The following ZFHX3 variants were observed in gnomAD, a reference collection of about 807,000 sequenced individuals.
ZFHX3 encodes the protein zinc finger homeobox 3, also known as zinc finger homeobox protein 3.
A neutral mutation model predicts 279.1 loss-of-function variants in ZFHX3; 42 were observed. That is an observed-to-expected ratio of 0.15 (90% CI 0.12 to 0.19). The LOEUF is 0.19. Ranked by LOEUF, ZFHX3 falls within the 10% of genes least tolerant of loss-of-function variation. ZFHX3 has a pLI of 1.00. For missense variants in ZFHX3, 4,981 were observed against 4,754.0 expected, an observed-to-expected ratio of 1.05 and a Z score of -1.40; for synonymous variants, 2,293 against 1,957.8, an observed-to-expected ratio of 1.17 and a Z score of -4.52.
chr16:72,948,491 G>A (rs1051718385), intron 3 of ZFHX3, among the ~76,000 whole-genome samples: 4 of 152,148 alleles, frequency 2.6e-5, no homozygotes, highest in Non-Finnish European at 4.4e-5. Flanking sequence ...GACTCTCTGG[G>A]TGTGATCCGT....
chr16:73,555,179 G>A (rs1172563621), intron 2 of ZFHX3, among the ~76,000 whole-genome samples: 1 of 151,914 alleles, frequency 6.6e-6, no homozygotes, highest in African/African-American at 2.4e-5. Context: ...TTTTGAGGAG[G>A]AGTCTCGCTC....
chr16:73,175,965 A>C (rs1289774816), intron 5 of ZFHX3, among the ~76,000 whole-genome samples: 1 of 152,192 alleles, frequency 6.6e-6, no homozygotes, highest in Non-Finnish European at 1.5e-5. Flanking sequence ...TGAATGCATA[A>C]ATGAATGAAT....
chr16:73,174,182 T>G (rs969753065), intron 5 of ZFHX3, among the ~76,000 whole-genome samples: 2 of 152,030 alleles, frequency 1.3e-5, no homozygotes, highest in African/African-American at 4.8e-5. Context: ...ATGGAGACCT[T>G]CCTGGTCACA....
chr16:73,006,404 C>T (rs1354248478), intron 1 of ZFHX3, among the ~76,000 whole-genome samples: 1 of 152,032 alleles, frequency 6.6e-6, no homozygotes, highest in Non-Finnish European at 1.5e-5. Flanking sequence ...AGGAGGATAA[C>T]TTGAGGCCAG....
At chr16:73,587,813 T>C (rs1034519857) in intron 2 of ZFHX3, among the ~76,000 whole-genome samples, 5 of 152,214 alleles carry the variant, frequency 3.3e-5, no homozygotes, top group Admixed American at 2.0e-4. Context: ...TCAATGCTAA[T>C]TGCATACATT....
intron 1 of ZFHX3, among the ~76,000 whole-genome samples, chr16:73,777,155 A>G (rs1351800807): frequency 6.6e-6 from 1 of 152,138 alleles, no homozygotes; most frequent in Non-Finnish European, 1.5e-5. Context: ...TCATATGTGC[A>G]GGGCAAGGAT....
intron 5 of ZFHX3, among the ~76,000 whole-genome samples, chr16:72,819,640 T>C (rs557505278): frequency 6.6e-6 from 1 of 152,264 alleles, no homozygotes; most frequent in African/African-American, 2.4e-5. Flanking sequence ...TAACTAGAAA[T>C]AAATGAGAGG....
At chr16:73,541,889 C>G (rs970135448) in intron 2 of ZFHX3, among the ~76,000 whole-genome samples, 2 of 148,244 alleles carry the variant, frequency 1.3e-5, no homozygotes, top group African/African-American at 2.5e-5. Context: ...GCAACCTCTG[C>G]CTCCTGGGTT....
At chr16:73,480,971 A>G (rs1043058547) in intron 2 of ZFHX3, among the ~76,000 whole-genome samples, 3 of 152,312 alleles carry the variant, frequency 2.0e-5, no homozygotes, top group East Asian at 1.9e-4. Context: ...CTGCAAAGAC[A>G]CGTCAAGGAC....
At chr16:73,415,887 A>C (rs538939517) in intron 3 of ZFHX3, among the ~76,000 whole-genome samples, 19 of 152,270 alleles carry the variant, frequency 1.2e-4, no homozygotes, top group African/African-American at 3.9e-4. Context: ...TGGGAGGCCA[A>C]GGTTGGTGGA....
At chr16:73,105,042 CA>C (rs1966278048) in intron 7 of ZFHX3, among the ~76,000 whole-genome samples, 1 of 152,096 alleles carries the variant, frequency 6.6e-6, no homozygotes, top group Non-Finnish European at 1.5e-5. Flanking sequence ...CTGCAGCCAT[CA>C]CTCACTGTGC....
chr16:73,806,472 C>T (rs998293031), intron 1 of ZFHX3, among the ~76,000 whole-genome samples: 7 of 152,112 alleles, frequency 4.6e-5, no homozygotes, highest in African/African-American at 7.2e-5. Context: ...ACAGTGTTGG[C>T]CTTTGGGGCA....
At chr16:73,088,273 A>G (rs745801421) in intron 8 of ZFHX3, among the ~76,000 whole-genome samples, 1 of 151,742 alleles carries the variant, frequency 6.6e-6, no homozygotes, top group Admixed American at 6.6e-5. Context: ...AGCCCTCTGC[A>G]CGGCTGGGAT....
At chr16:73,138,476 C>A (rs1350486050) in intron 6 of ZFHX3, among the ~76,000 whole-genome samples, 4 of 152,058 alleles carry the variant, frequency 2.6e-5, no homozygotes, top group Admixed American at 2.0e-4. Flanking sequence ...AAGACCAGGG[C>A]AAGAAGAGTA....
In ZFHX3 at chr16:73,047,993, C is replaced by G. The variant is rs1252692904; in HGVS notation, c.-291G>C. On this transcript the variant is annotated 5_prime_UTR_variant, in exon 1 of 10. Transcript: ENST00000268489. ...GTGGCGGCAGGGCTGGCGGTCGGCC[C>G]GTCCCCGGAGGGAGGTCCCCGGGAC... The G allele has an allele frequency of 2.6e-5, 4 of 151,844 alleles. No individual in the cohort carries two copies. Among genetic ancestry groups the G allele is most frequent in the East Asian group, 1.9e-4 (1 of 5,160 alleles). 9.4% of individuals were successfully genotyped at this position (151,844 alleles called of 1,614,324 possible).
intron 1 of ZFHX3, among the ~76,000 whole-genome samples, chr16:73,002,641 A>G (rs1347986585): frequency 2.0e-5 from 3 of 152,174 alleles, no homozygotes; most frequent in Non-Finnish European, 4.4e-5. Flanking sequence ...CACTATTTTT[A>G]CAAACACATA....
At chr16:73,812,059 T>C (rs966527647) in intron 1 of ZFHX3, among the ~76,000 whole-genome samples, 4 of 152,222 alleles carry the variant, frequency 2.6e-5, no homozygotes, top group Admixed American at 6.5e-5. Flanking sequence ...TAATGAATAG[T>C]AGGGTCTAGA....
intron 1 of ZFHX3, among the ~76,000 whole-genome samples, chr16:73,692,112 G>A (rs937251079): frequency 3.3e-5 from 5 of 152,092 alleles, no homozygotes; most frequent in African/African-American, 7.2e-5. Flanking sequence ...TTGAAAATAC[G>A]TCCACAGATT....
rs929321603 is a variant in ZFHX3 at position 73,314,380 on chromosome 16, T to C, written c.-1194+3860A>G. On this transcript the variant is annotated intron_variant, in intron 4 of 17. Coordinates refer to the ZFHX3 transcript ENST00000641206. ...TCTCCTTTTCTGCCTGTACCTTTCC[T>C]ATTGGTTCTGTTTTTCTGCAGAACC... Among the ~76,000 whole-genome samples, 16 of 152,332 alleles carry C rather than the reference T, an allele frequency of 1.1e-4. No homozygotes were observed. The South Asian group carries it at 1.7e-3, about 16-fold the overall frequency.
Sources: allele counts gnomAD v4.1 joint callset (sites outside exome capture counted in the v4.1 genomes callset), GRCh38; gene constraint gnomAD v4.1.1; transcripts MANE v1.5; gene names NCBI Gene and HGNC (gene_info 2026-07-23, HGNC 2026-07-21).